The following SFMBT2 variants were observed in gnomAD, a reference collection of about 807,000 sequenced individuals.
SFMBT2 encodes the protein scm-like with four MBT domains protein 2.
SFMBT2 carries 38 observed loss-of-function variants against 110.1 expected under a neutral mutation model. The observed-to-expected ratio is 0.35, with a 90% CI of 0.27 to 0.45. SFMBT2 has a LOEUF of 0.45. Ranked by LOEUF, SFMBT2 falls within the 20% of genes least tolerant of loss-of-function variation. The pLI, the probability that SFMBT2 is intolerant of heterozygous loss-of-function variation, is 1.00. For synonymous variants in SFMBT2, 425 were observed against 425.4 expected (o/e 1.00, Z 0.01); for missense variants, 1,011 against 1,094.9 (o/e 0.92, Z 1.08).
At chr10:7,319,360 C>CTCTG (rs1409097894) in intron 4 of SFMBT2, among the ~76,000 whole-genome samples, 7 of 152,148 alleles carry the variant, frequency 4.6e-5, no homozygotes, top group African/African-American at 1.7e-4. Context: ...AAGTTTAAAA[C>CTCTG]TGAATACTGT....
At chr10:7,206,991 C>T (rs1839156659) in intron 11 of SFMBT2, 5 of 891,260 alleles carry the variant, frequency 5.6e-6, no homozygotes, top group Non-Finnish European at 6.7e-6. Context: ...TTTGGGAGGC[C>T]AAGGCCAGCA....
chr10:7,397,587 A>G (rs1377919920), intron 1 of SFMBT2, among the ~76,000 whole-genome samples: 1 of 152,152 alleles, frequency 6.6e-6, no homozygotes, highest in Non-Finnish European at 1.5e-5. Flanking sequence ...AAAATATTTC[A>G]ATCAAAATGG....
rs1842566475 is a variant in SFMBT2, at chr10:7,301,824, G to T, written c.437-15870C>A. Among the ~76,000 whole-genome samples, 1 of 152,100 alleles carries T rather than the reference G, an allele frequency of 6.6e-6. No individual in the cohort carries two copies. The highest frequency in any genetic ancestry group is 1.5e-5 in the Non-Finnish European group (1 of 68,018). ...AAAGAAAAGGGAGGAGAACTGCGTG[G>T]CTCTAGACTATCGAAGGGGAAAAAA... On this transcript the variant is annotated intron_variant, in intron 4 of 20. Transcript: ENST00000397167. The surrounding 1 kb of genome is among the most constrained non-coding windows in gnomAD (Gnocchi z 4.2).
intron 2 of SFMBT2, among the ~76,000 whole-genome samples, chr10:7,371,662 GA>G (rs1259442037): frequency 2.0e-5 from 3 of 152,162 alleles, no homozygotes; most frequent in Admixed American, 1.3e-4. Context: ...ACATACAACA[GA>G]AAGAGCTGTC....
chr10:7,205,983 A>G, intron 11 of SFMBT2, 55 bp from the exon 12 acceptor site: 4 of 1,604,156 alleles, frequency 2.5e-6, no homozygotes, highest in Non-Finnish European at 2.6e-6. Context: ...CAACAAAGAA[A>G]TAGAAGGACA....
intron 4 of SFMBT2, among the ~76,000 whole-genome samples, chr10:7,327,761 G>T (rs1179048637): frequency 6.6e-6 from 1 of 151,664 alleles, no homozygotes; most frequent in Non-Finnish European, 1.5e-5. Flanking sequence ...CCCCCAGCAT[G>T]ATGCCTTCAA....
intron 1 of SFMBT2, among the ~76,000 whole-genome samples, chr10:7,392,126 T>G (rs1845785138): frequency 6.6e-6 from 1 of 152,190 alleles, no homozygotes; most frequent in African/African-American, 2.4e-5. Context: ...ATGACCCCCC[T>G]GAAAACATGC....
At chr10:7,375,501 G>GTCTT (rs57830530) in intron 2 of SFMBT2, among the ~76,000 whole-genome samples, 16,700 of 151,966 alleles carry the variant, frequency 0.11, 1,556 homozygotes, top group African/African-American at 0.26. Flanking sequence ...AAGACATTAA[G>GTCTT]TCTTTCTTCT....
chr10:7,213,614 G>T (rs897018631), intron 11 of SFMBT2, among the ~76,000 whole-genome samples: 3 of 152,252 alleles, frequency 2.0e-5, no homozygotes, highest in African/African-American at 4.8e-5. Context: ...CTGCTGGTGA[G>T]TTCTGTTCTG....
At chr10:7,321,699 T>C (rs1223626678) in intron 4 of SFMBT2, among the ~76,000 whole-genome samples, 2 of 152,222 alleles carry the variant, frequency 1.3e-5, no homozygotes, top group Non-Finnish European at 2.9e-5. Context: ...AATACCTCCA[T>C]ATTTTGTAAC....
In SFMBT2 at chr10:7,293,289, G is replaced by A. The variant is rs1231220461; in HGVS notation, c.437-7335C>T. 2.0e-5 allele frequency among the ~76,000 whole-genome samples: 3 copies of A among 152,076 alleles called. No homozygotes were observed. The highest frequency in any genetic ancestry group is 2.1e-4 in the South Asian group (1 of 4,814). ...AATTTTTGTATTTTTAGAAGACACC[G>A]GGTTTCACCATGTTGGCCAGGCTGG... On this transcript the variant is annotated intron_variant, in intron 4 of 20. Transcript: ENST00000397167. The surrounding 1 kb of genome is among the most constrained non-coding windows in gnomAD (Gnocchi z 4.6).
intron 13 of SFMBT2, among the ~76,000 whole-genome samples, chr10:7,201,404 G>C (rs1002564502): frequency 1.3e-5 from 2 of 152,218 alleles, no homozygotes; most frequent in African/African-American, 4.8e-5. Context: ...TGCATTTAAG[G>C]AGTGATGGAT....
At chr10:7,265,927 G>A (rs1015057587) in intron 7 of SFMBT2, among the ~76,000 whole-genome samples, 1 of 151,980 alleles carries the variant, frequency 6.6e-6, no homozygotes, top group Non-Finnish European at 1.5e-5. Flanking sequence ...TTCTAGCTAG[G>A]GGAAGGAGGC....
At chr10:7,348,262 CGAA>C in intron 4 of SFMBT2, 1 of 1,496,424 alleles carries the variant, frequency 6.7e-7, no homozygotes. Context: ...GTGACGGTCT[CGAA>C]GAAGTTTTGA....
In SFMBT2 at chr10:7,408,796, C is replaced by G. The variant is rs946557635; in HGVS notation, c.-52+2065G>C. 1 of 152,476 alleles carries G rather than the reference C, an allele frequency of 6.6e-6. No individual in the cohort carries two copies. Among genetic ancestry groups the G allele is most frequent in the African/African-American group, 2.4e-5 (1 of 41,464 alleles). The allele number at this position is 152,476 out of a possible 1,614,324, so 9.4% of individuals were successfully genotyped here. ...GCCTGACCCCGATTTTGTCTCCGAA[C>G]TCCACTCCCAGATCCTCCCCGCCCT... On this transcript the variant is annotated intron_variant, in intron 1 of 20. Coordinates refer to ENST00000397167, the MANE Select transcript of SFMBT2 (RefSeq NM_001387889.1). The surrounding 1 kb of genome is among the most constrained non-coding windows in gnomAD (Gnocchi z 5.7).
intron 4 of SFMBT2, among the ~76,000 whole-genome samples, chr10:7,352,737 C>A (rs1184374457): frequency 6.6e-6 from 1 of 152,178 alleles, no homozygotes; most frequent in Admixed American, 6.5e-5. Flanking sequence ...TGGGGCCGGG[C>A]GTGGTGGCTC....
intron 16 of SFMBT2, among the ~76,000 whole-genome samples, chr10:7,185,694 C>A (rs1051822854): frequency 6.6e-6 from 1 of 152,166 alleles, no homozygotes; most frequent in Non-Finnish European, 1.5e-5. Flanking sequence ...AAGCTTCTGC[C>A]TGGCTTTTAT....
chr10:7,256,163 C>A (rs1433531800), intron 7 of SFMBT2, among the ~76,000 whole-genome samples: 1 of 152,160 alleles, frequency 6.6e-6, no homozygotes, highest in Non-Finnish European at 1.5e-5. Context: ...AGCAAGGGCA[C>A]ACAGCTACCA....
intron 15 of SFMBT2, among the ~76,000 whole-genome samples, chr10:7,196,214 G>A (rs1838762383): frequency 1.3e-5 from 2 of 152,080 alleles, no homozygotes; most frequent in Non-Finnish European, 2.9e-5. Context: ...TCACAAGCAG[G>A]CCCCATCCAA....
Sources: gnomAD v4.1 joint callset for allele counts (sites outside exome capture counted in the v4.1 genomes callset) on GRCh38, gnomAD v4.1.1 for gene constraint, Gnocchi (gnomAD v3.1) non-coding constraint, MANE v1.5 for transcripts, NCBI Gene and HGNC (gene_info 2026-07-23, HGNC 2026-07-21) for gene names.